SH3RF1: variants seen among roughly 807,000 people sequenced by gnomAD.
The protein encoded by SH3RF1 is SH3 domain containing ring finger 1, also known as E3 ubiquitin-protein ligase SH3RF1.
In SH3RF1, 32 loss-of-function variants were observed where a neutral mutation model predicts 74.0. That is an observed-to-expected ratio of 0.43 (90% CI 0.33 to 0.58). The LOEUF (loss-of-function observed/expected upper bound fraction) is 0.58, where lower values mean the gene tolerates loss of function less well. Among genes scored for constraint, SH3RF1 ranks in the 20% least tolerant of loss-of-function variants. The pLI, the probability that SH3RF1 is intolerant of heterozygous loss-of-function variation, is 0.05. For missense variants in SH3RF1, 954 were observed against 1,130.9 expected (o/e 0.84, Z 2.24); for synonymous variants, 396 against 439.6 (o/e 0.90, Z 1.24).
At chr4:169,241,691 T>C (rs1352365452) in intron 2 of SH3RF1, among the ~76,000 whole-genome samples, 2 of 152,042 alleles carry the variant, frequency 1.3e-5, no homozygotes, top group Non-Finnish European at 2.9e-5. Context: ...AAATGAAAAA[T>C]AAAAAACACA....
At chr4:169,195,076 T>C (rs77107116) in intron 2 of SH3RF1, among the ~76,000 whole-genome samples, 2,172 of 152,324 alleles carry the variant, frequency 0.014, 52 homozygotes, top group African/African-American at 0.049. Flanking sequence ...CTAAATAACA[T>C]ACTTTAACAT....
In SH3RF1 at chr4:169,238,723, T is replaced by C. The variant is rs1424936125; in HGVS notation, c.393+30097A>G. 2.0e-5 allele frequency among the ~76,000 whole-genome samples: 3 copies of C among 152,216 alleles called. 1 individual carries two copies. Among genetic ancestry groups the C allele is most frequent in the Non-Finnish European group, 4.4e-5 (3 of 68,046 alleles). On this transcript the variant is annotated intron_variant, in intron 2 of 11. Transcript: ENST00000284637. ...CTGCTAAATACAAAGTATACTAGGT[T>C]TGTCAGCTTAGGGCATGTTTGCTTC... is the stretch of plus-strand genomic sequence containing the variant.
At chr4:169,259,871 G>C (rs1031349399) in intron 2 of SH3RF1, among the ~76,000 whole-genome samples, 4 of 152,140 alleles carry the variant, frequency 2.6e-5, no homozygotes, top group African/African-American at 7.2e-5. Flanking sequence ...TAATATTTGT[G>C]CTAGGTTGCT....
At chr4:169,193,391 T>C (rs960205443) in intron 2 of SH3RF1, among the ~76,000 whole-genome samples, 2 of 152,180 alleles carry the variant, frequency 1.3e-5, no homozygotes, top group Non-Finnish European at 2.9e-5. Flanking sequence ...GCAGATGTGT[T>C]AGCTTCCAAC....
intron 2 of SH3RF1, among the ~76,000 whole-genome samples, chr4:169,234,162 C>G (rs1450025847): frequency 1.3e-5 from 2 of 152,120 alleles, no homozygotes; most frequent in Non-Finnish European, 2.9e-5. Context: ...CTCATCCCCA[C>G]CTGCCAGGAA....
At chr4:169,171,536 A>G (rs1734327471) in intron 2 of SH3RF1, among the ~76,000 whole-genome samples, 1 of 152,240 alleles carries the variant, frequency 6.6e-6, no homozygotes, top group Non-Finnish European at 1.5e-5. Flanking sequence ...ACTTATTGAT[A>G]GTAATATAGG....
At chr4:169,197,614 G>A (rs4048789) in intron 2 of SH3RF1, among the ~76,000 whole-genome samples, 1 of 120,728 alleles carries the variant, frequency 8.3e-6, no homozygotes, top group Non-Finnish European at 1.7e-5. Context: ...ACAAAAGCAA[G>A]ACTCTGTCTC....
chr4:169,118,120 T>G (rs946191965), intron 8 of SH3RF1, among the ~76,000 whole-genome samples: 1 of 152,182 alleles, frequency 6.6e-6, no homozygotes, highest in African/African-American at 2.4e-5. Flanking sequence ...CAAGCTAGGA[T>G]CATTCCCTGA....
At chr4:169,195,450 GT>G in intron 2 of SH3RF1, among the ~76,000 whole-genome samples, 1 of 152,222 alleles carries the variant, frequency 6.6e-6, no homozygotes, top group East Asian at 1.9e-4. Flanking sequence ...GATTTCTTGA[GT>G]TTGTAAATAG....
At chr4:169,270,313 G>A (rs1441778457) in intron 1 of SH3RF1, among the ~76,000 whole-genome samples, 1 of 151,954 alleles carries the variant, frequency 6.6e-6, no homozygotes, top group East Asian at 1.9e-4. Context: ...GACACACCCC[G>A]GGGCCAGGTG....
intron 2 of SH3RF1, among the ~76,000 whole-genome samples, chr4:169,169,820 T>C (rs895966981): frequency 6.6e-6 from 1 of 152,108 alleles, no homozygotes; most frequent in African/African-American, 2.4e-5. Context: ...CTCGACCTCC[T>C]GGGCTCAAGC....
chr4:169,267,061 A>G (rs957558123), intron 2 of SH3RF1, among the ~76,000 whole-genome samples: 1 of 152,250 alleles, frequency 6.6e-6, no homozygotes, highest in Non-Finnish European at 1.5e-5. Flanking sequence ...TAATACTAAC[A>G]TGATCAAAAT....
intron 6 of SH3RF1, among the ~76,000 whole-genome samples, chr4:169,123,947 C>T (rs1280673474): frequency 1.3e-5 from 2 of 152,044 alleles, no homozygotes; most frequent in Non-Finnish European, 2.9e-5. Flanking sequence ...GGCTTAGAGC[C>T]TCCAAAACCT....
intron 2 of SH3RF1, among the ~76,000 whole-genome samples, chr4:169,216,391 T>C (rs1730464877): frequency 6.6e-6 from 1 of 152,204 alleles, no homozygotes; most frequent in African/African-American, 2.4e-5. Context: ...TTAAAGATAT[T>C]CAGCTATTTT....
chr4:169,118,044 C>G, intron 8 of SH3RF1, among the ~76,000 whole-genome samples: 1 of 152,294 alleles, frequency 6.6e-6, no homozygotes, highest in African/African-American at 2.4e-5. Flanking sequence ...ATTCAGCTTT[C>G]CATAACAAGA....
Position 169,147,565 on chromosome 4 carries a change from C to G in SH3RF1, c.765+7915G>C, listed in dbSNP as rs76923798. 1.7e-3 allele frequency among the ~76,000 whole-genome samples: 256 copies of G among 152,278 alleles called. 2 individuals carry two copies. The highest frequency in any genetic ancestry group is 5.9e-3 in the African/African-American group (246 of 41,546). On this transcript the variant is annotated intron_variant, in intron 4 of 11. Coordinates refer to ENST00000284637, the MANE Select transcript of SH3RF1 (RefSeq NM_020870.4). ...GGATATTGACCATCAGGACTTTGCA[C>G]GTTTGTTTGAGATCTTCCTTCCTCT...
chr4:169,188,026 AG>A (rs1734637710), intron 2 of SH3RF1, among the ~76,000 whole-genome samples: 1 of 152,162 alleles, frequency 6.6e-6, no homozygotes, highest in Non-Finnish European at 1.5e-5. Context: ...GCACAAGCCT[AG>A]GAATGCCAAG....
In SH3RF1 at chr4:169,124,140, TA is replaced by T. The variant is rs143365799; in HGVS notation, c.1180-1875del. On this transcript the variant is annotated intron_variant, in intron 6 of 11. Transcript: ENST00000284637. ...TATAGAGTAATATATGGAGAAACTG[TA>T]AAATTACCACTTCACTGATTTCCAT... 5.5e-3 allele frequency among the ~76,000 whole-genome samples: 833 copies of T among 152,294 alleles called. 11 individuals carry two copies. The highest frequency in any genetic ancestry group is 0.019 in the African/African-American group (802 of 41,558).
At chr4:169,216,684 A>G (rs1730469221) in intron 2 of SH3RF1, among the ~76,000 whole-genome samples, 1 of 152,212 alleles carries the variant, frequency 6.6e-6, no homozygotes, top group South Asian at 2.1e-4. Context: ...TCACTCAAAA[A>G]TCACTAATTC....
Sources: allele counts gnomAD v4.1 joint callset (sites outside exome capture counted in the v4.1 genomes callset), GRCh38; gene constraint gnomAD v4.1.1; transcripts MANE v1.5; gene names NCBI Gene and HGNC (gene_info 2026-07-23, HGNC 2026-07-21).